Variants in PMFBP1 observed in about 807,000 individuals in gnomAD.
PMFBP1 encodes polyamine-modulated factor 1-binding protein 1.
In PMFBP1, 131 loss-of-function variants were observed where a neutral mutation model predicts 137.8. The observed-to-expected ratio is 0.95, with a 90% CI of 0.82 to 1.10. The LOEUF (loss-of-function observed/expected upper bound fraction) is 1.10. Among genes scored for constraint, PMFBP1 ranks in the 50% least tolerant of loss-of-function variants. The probability of loss-of-function intolerance (pLI) is 0.00; values close to 1 mark genes in which losing one functional copy is unlikely to be tolerated. For missense variants in PMFBP1, 1,199 were observed against 1,175.4 expected, an observed-to-expected ratio of 1.02 and a Z score of -0.29; for synonymous variants, 490 against 450.4, an observed-to-expected ratio of 1.09 and a Z score of -1.11.
At chr16:72,232,699 T>C in the PMFBP1 span, among the ~76,000 whole-genome samples, 2 of 152,108 alleles carry the variant, frequency 1.3e-5, no homozygotes, top group African/African-American at 2.4e-5. Context: ...TATTAACTTA[T>C]AGATCAAACT....
intron 17 of PMFBP1, among the ~76,000 whole-genome samples, chr16:72,124,498 T>C (rs1263245631): frequency 1.3e-5 from 2 of 152,230 alleles, no homozygotes; most frequent in African/African-American, 4.8e-5. Flanking sequence ...GGGGACCCAG[T>C]GGACTAGGTC....
At chr16:72,204,545 A>T in the PMFBP1 span, among the ~76,000 whole-genome samples, 1 of 152,136 alleles carries the variant, frequency 6.6e-6, no homozygotes, top group East Asian at 1.9e-4. Context: ...CAGTCCTTTA[A>T]GAGCAGGAGC....
upstream of PMFBP1, among the ~76,000 whole-genome samples, chr16:72,180,250 T>C (rs2043271505): frequency 6.6e-6 from 1 of 152,174 alleles, no homozygotes; most frequent in Non-Finnish European, 1.5e-5. Context: ...CTCTGGGCCC[T>C]TCCTACATGG....
rs117639565 is a variant in PMFBP1 at position 72,122,670 on chromosome 16, G to A, written c.2768+244C>T. Among the ~76,000 whole-genome samples the A allele has an allele frequency of 8.3e-4, 127 of 152,312 alleles. 1 individual carries two copies. The East Asian group carries it at 0.019, about 22-fold the overall frequency. ...CCCTTGACCTCTGAGAACCATGAGA[G>A]CAGGAAGGAGCAAAAAGACTACTAA... On this transcript the variant is annotated intron_variant, in intron 19 of 20. Coordinates refer to ENST00000237353, the MANE Select transcript of PMFBP1 (RefSeq NM_031293.3).
the PMFBP1 span, among the ~76,000 whole-genome samples, chr16:72,238,867 G>A: frequency 6.6e-6 from 1 of 152,062 alleles, no homozygotes; most frequent in Non-Finnish European, 1.5e-5. Flanking sequence ...TTGGTGGGGT[G>A]GGCGTTACTG....
At chr16:72,233,201 A>G in the PMFBP1 span, among the ~76,000 whole-genome samples, 3 of 152,144 alleles carry the variant, frequency 2.0e-5, no homozygotes, top group South Asian at 6.2e-4. Context: ...ACCTTCCACC[A>G]AAAATTATAT....
intron 14 of PMFBP1, among the ~76,000 whole-genome samples, chr16:72,127,209 G>C (rs1274448497): frequency 1.3e-5 from 2 of 152,172 alleles, no homozygotes; most frequent in African/African-American, 4.8e-5. Context: ...AGTGCTTCAA[G>C]TTTATTACTT....
chr16:72,240,656 T>C, the PMFBP1 span, among the ~76,000 whole-genome samples: 1 of 152,216 alleles, frequency 6.6e-6, no homozygotes. Context: ...TTAATTCTTT[T>C]AATGGGAAGA....
upstream of PMFBP1, among the ~76,000 whole-genome samples, chr16:72,176,594 A>G (rs1596985779): frequency 1.3e-5 from 2 of 152,206 alleles, no homozygotes; most frequent in African/African-American, 4.8e-5. Flanking sequence ...AATGGCTTGT[A>G]ATGCTGACTT....
chr16:72,222,179 C>T, the PMFBP1 span, among the ~76,000 whole-genome samples: 1 of 152,092 alleles, frequency 6.6e-6, no homozygotes. Flanking sequence ...TGCTATGTTG[C>T]TCAGACTGGT....
At chr16:72,183,107 C>A in the PMFBP1 span, among the ~76,000 whole-genome samples, 1 of 152,202 alleles carries the variant, frequency 6.6e-6, no homozygotes, top group African/African-American at 2.4e-5. Flanking sequence ...CCTTACTATA[C>A]CTGGGCACTG....
At chr16:72,133,371 G>A (rs1363191398) in intron 9 of PMFBP1, among the ~76,000 whole-genome samples, 2 of 152,016 alleles carry the variant, frequency 1.3e-5, no homozygotes, top group African/African-American at 4.8e-5. Context: ...TAGAGACGGG[G>A]TTTCACCATG....
chr16:72,195,767 G>C, the PMFBP1 span, among the ~76,000 whole-genome samples: 1 of 152,242 alleles, frequency 6.6e-6, no homozygotes, highest in African/African-American at 2.4e-5. Flanking sequence ...GCAGCACTAG[G>C]TGATGCTGCT....
Position 72,130,296 on chromosome 16 carries a change from C to T in PMFBP1, c.1699G>A (p.Asp567Asn), listed in dbSNP as rs1240581872. 1 of 1,614,238 alleles carries T rather than the reference C, an allele frequency of 6.2e-7. No homozygotes were observed. The highest frequency in any genetic ancestry group is 2.2e-5 in the East Asian group (1 of 44,886). Reference protein sequence around the residue: ...SEALRKLENSDKEKRQLQKTV... With the variant: ...SEALRKLENSNKEKRQLQKTV... ...TTCTGAAGCTGCCTCTTTTCCTTGT[C>T]TGAATTTTCAAGCTTCCTCAGGGCT... Residue 567 changes from aspartate (D) to asparagine (N), a missense_variant, in exon 12 of 21, where the codon GAC becomes AAC. Asp to Asn is a conservative substitution (Grantham distance 23, BLOSUM62 1). Transcript: ENST00000237353.
At chr16:72,128,903 G>T (rs1490774095) in intron 13 of PMFBP1, 109 bp from the exon 14 acceptor site, 7 of 1,528,082 alleles carry the variant, frequency 4.6e-6, no homozygotes, top group Non-Finnish European at 6.2e-6. Context: ...CACCCTGCGG[G>T]AGCTCAGGCA....
the PMFBP1 span, among the ~76,000 whole-genome samples, chr16:72,184,319 A>G: frequency 6.6e-6 from 1 of 152,192 alleles, no homozygotes; most frequent in Non-Finnish European, 1.5e-5. Context: ...AGATTTGGAT[A>G]ACAACTGCCT....
At chr16:72,191,370 C>T in the PMFBP1 span, among the ~76,000 whole-genome samples, 1 of 152,228 alleles carries the variant, frequency 6.6e-6, no homozygotes, top group African/African-American at 2.4e-5. Flanking sequence ...AGGTCAGGCA[C>T]ATGCCACTAA....
At chr16:72,240,751 G>A in the PMFBP1 span, among the ~76,000 whole-genome samples, 1 of 152,208 alleles carries the variant, frequency 6.6e-6, no homozygotes, top group Non-Finnish European at 1.5e-5. Flanking sequence ...TCTCTGTTAT[G>A]TCAGTACAAT....
chr16:72,175,652 T>C (rs1424351744), upstream of PMFBP1, among the ~76,000 whole-genome samples: 1 of 152,208 alleles, frequency 6.6e-6, no homozygotes, highest in Non-Finnish European at 1.5e-5. Flanking sequence ...TTTTTTGGTT[T>C]AAAATTAAAG....
Sources: gnomAD v4.1 joint callset for allele counts (sites outside exome capture counted in the v4.1 genomes callset) on GRCh38, gnomAD v4.1.1 for gene constraint, MANE v1.5 for transcripts, NCBI Gene and HGNC (gene_info 2026-07-23, HGNC 2026-07-21) for gene names.